The following NIM1K variants were observed in gnomAD, a reference collection of about 807,000 sequenced individuals.
NIM1K encodes NIM1 serine/threonine protein kinase.
NIM1K carries 35 observed loss-of-function variants against 37.1 expected under a neutral mutation model. The ratio of observed to expected loss-of-function variants is 0.94; its 90% CI spans 0.72 to 1.25. The LOEUF (loss-of-function observed/expected upper bound fraction) is 1.25, where lower values mean the gene tolerates loss of function less well. NIM1K is among the 50% of genes most tolerant of loss of function. NIM1K has a pLI of 0.00. For missense variants in NIM1K, 564 were observed against 548.0 expected (o/e 1.03, Z -0.29); for synonymous variants, 234 against 206.6 (o/e 1.13, Z -1.14).
At chr5:43,244,508 A>G (rs1461668877) in intron 1 of NIM1K, among the ~76,000 whole-genome samples, 1 of 152,164 alleles carries the variant, frequency 6.6e-6, no homozygotes, top group Non-Finnish European at 1.5e-5. Context: ...AATGCTGTAA[A>G]CCCTCCTTTT....
rs563562672 is a variant in NIM1K, at chr5:43,245,705, C to T, written c.-71C>T. On this transcript the variant is annotated 5_prime_UTR_variant, in exon 2 of 4. Coordinates refer to ENST00000326035, the MANE Select transcript of NIM1K (RefSeq NM_153361.4). ...TGCTGTCCTCAGTTGGCATCTCCCACCCTCTGAGCCTCTTCTGCTCCTGCA... is the reference window on the plus strand; with the variant it reads ...TGCTGTCCTCAGTTGGCATCTCCCATCCTCTGAGCCTCTTCTGCTCCTGCA... 6.6e-5 allele frequency: 95 copies of T among 1,444,432 alleles called. No individual in the cohort carries two copies. In the African/African-American group the frequency reaches 1.2e-3, roughly 19 times the overall value. The allele number at this position is 1,444,432 out of a possible 1,614,324, so 89.5% of individuals were successfully genotyped here. A position where few individuals can be genotyped will look rare whatever the true frequency, so the allele number is the denominator to read the frequency against.
chr5:43,215,815 G>C (rs1051903956), intron 1 of NIM1K, among the ~76,000 whole-genome samples: 1 of 152,154 alleles, frequency 6.6e-6, no homozygotes, highest in Admixed American at 6.6e-5. Context: ...CATGATTCTT[G>C]TTCTTTAGTG....
At chr5:43,213,850 A>T (rs1465573397) in intron 1 of NIM1K, among the ~76,000 whole-genome samples, 1 of 151,930 alleles carries the variant, frequency 6.6e-6, no homozygotes, top group Non-Finnish European at 1.5e-5. Context: ...GCTGGTCTCA[A>T]ACTCCTGATC....
chr5:43,206,849 A>C, intron 1 of NIM1K: 1 of 767,848 alleles, frequency 1.3e-6, no homozygotes, highest in South Asian at 1.3e-5. Flanking sequence ...ATGGCTATTT[A>C]GCAACATGCA....
chr5:43,222,941 C>A (rs1258907205), intron 1 of NIM1K, among the ~76,000 whole-genome samples: 1 of 151,814 alleles, frequency 6.6e-6, no homozygotes, highest in Non-Finnish European at 1.5e-5. Context: ...GAGTTTGAGA[C>A]CAGCCTGACC....
At chr5:43,250,726 A>G (rs1200678750) in intron 2 of NIM1K, among the ~76,000 whole-genome samples, 3 of 152,266 alleles carry the variant, frequency 2.0e-5, no homozygotes. Flanking sequence ...GATAAAGCCA[A>G]ACAAGGAAAG....
intron 1 of NIM1K, among the ~76,000 whole-genome samples, chr5:43,210,458 A>G (rs1296918621): frequency 6.6e-6 from 1 of 152,162 alleles, no homozygotes; most frequent in Non-Finnish European, 1.5e-5. Flanking sequence ...CCTCAGGTGA[A>G]GAGAGATGTG....
intron 2 of NIM1K, among the ~76,000 whole-genome samples, chr5:43,253,123 G>A (rs1438528137): frequency 6.8e-6 from 1 of 146,778 alleles, no homozygotes; most frequent in Non-Finnish European, 1.5e-5. Flanking sequence ...GATTACAGGT[G>A]TGAGACACCA....
At chr5:43,209,916 C>CATCTTTTCCTTTTAACAA (rs1752179184) in intron 1 of NIM1K, among the ~76,000 whole-genome samples, 1 of 152,170 alleles carries the variant, frequency 6.6e-6, no homozygotes, top group African/African-American at 2.4e-5. Context: ...CACCCGGCCC[C>CATCTTTTCCTTTTAACAA]GTGCTACCTT....
intron 1 of NIM1K, among the ~76,000 whole-genome samples, chr5:43,209,853 G>GATCC (rs2112214998): frequency 6.6e-6 from 1 of 152,262 alleles, no homozygotes; most frequent in African/African-American, 2.4e-5. Context: ...GACATCAAGT[G>GATCC]ATCCATCCAC....
intron 1 of NIM1K, among the ~76,000 whole-genome samples, chr5:43,197,191 C>A (rs1193119539): frequency 6.6e-6 from 1 of 151,692 alleles, no homozygotes; most frequent in East Asian, 1.9e-4. Context: ...TGCAGTGGTA[C>A]AATCATAGCT....
rs1752764047 is a variant in NIM1K at position 43,245,574 on chromosome 5, G to A, written c.-202G>A. ...GTCTTGAGTGAGGCGAGCAGCTCCT[G>A]GCTGGGCTGGGCAGACTCAGCTACC... On this transcript the variant is annotated 5_prime_UTR_variant, in exon 2 of 4. Transcript: ENST00000326035. 2.0e-6 allele frequency: 1 copy of A among 503,346 alleles called. No homozygotes were observed. Among genetic ancestry groups the A allele is most frequent in the Non-Finnish European group, 3.5e-6 (1 of 286,956 alleles). The allele number at this position is 503,346 out of a possible 1,614,324, so 31.2% of individuals were successfully genotyped here. A position where few individuals can be genotyped will look rare whatever the true frequency, so the allele number is the denominator to read the frequency against.
chr5:43,213,935 C>CTGTT (rs1561075307), intron 1 of NIM1K, among the ~76,000 whole-genome samples: 1 of 149,628 alleles, frequency 6.7e-6, no homozygotes, highest in East Asian at 2.0e-4. Flanking sequence ...AGCTCTTTCT[C>CTGTT]TCTTTCTTTC....
At chr5:43,208,324 G>T (rs1752148425) in intron 1 of NIM1K, among the ~76,000 whole-genome samples, 1 of 152,184 alleles carries the variant, frequency 6.6e-6, no homozygotes, top group Admixed American at 6.5e-5. Context: ...AGCAAGTGTG[G>T]TTGTGTGCAG....
chr5:43,204,621 G>A (rs1158860914), intron 1 of NIM1K, among the ~76,000 whole-genome samples: 1 of 150,844 alleles, frequency 6.6e-6, no homozygotes, highest in Non-Finnish European at 1.5e-5. Flanking sequence ...ACAAGAATCA[G>A]TTGAACCCAG....
At chr5:43,214,726 G>A (rs1457742364) in intron 1 of NIM1K, among the ~76,000 whole-genome samples, 1 of 145,810 alleles carries the variant, frequency 6.9e-6, no homozygotes, top group African/African-American at 2.5e-5. Context: ...TGAGGCAGGA[G>A]AATGGCGTGA....
intron 2 of NIM1K, among the ~76,000 whole-genome samples, chr5:43,264,091 TA>T (rs1241991767): frequency 1.3e-5 from 2 of 152,218 alleles, no homozygotes; most frequent in Non-Finnish European, 2.9e-5. Flanking sequence ...GAAGAATGTA[TA>T]TTCTGTTGAT....
At chr5:43,206,499 C>CAAAAA (rs11286972) in intron 1 of NIM1K, among the ~76,000 whole-genome samples, 2 of 83,424 alleles carry the variant, frequency 2.4e-5, no homozygotes, top group Non-Finnish European at 4.3e-5. Flanking sequence ...GACCCTGCCT[C>CAAAAA]AAAAAAAAAA....
chr5:43,269,149 A>G (rs1016743936), intron 2 of NIM1K, among the ~76,000 whole-genome samples: 1 of 118,072 alleles, frequency 8.5e-6, no homozygotes, highest in Non-Finnish European at 1.7e-5. Context: ...TCTCTACTAA[A>G]TTTACAAAAA....
Sources: gnomAD v4.1 joint callset for allele counts (sites outside exome capture counted in the v4.1 genomes callset) on GRCh38, gnomAD v4.1.1 for gene constraint, MANE v1.5 for transcripts, NCBI Gene and HGNC (gene_info 2026-07-23, HGNC 2026-07-21) for gene names.